CDYL2: variants seen among roughly 807,000 people sequenced by gnomAD.
CDYL2 encodes the protein chromodomain Y-like protein 2.
CDYL2 carries 23 observed loss-of-function variants against 49.4 expected under a neutral mutation model. The ratio of observed to expected loss-of-function variants is 0.47; its 90% CI spans 0.34 to 0.66. The LOEUF is 0.66. Among genes scored for constraint, CDYL2 ranks in the 30% least tolerant of loss-of-function variants. The probability of loss-of-function intolerance (pLI) is 0.01; values close to 1 mark genes in which losing one functional copy is unlikely to be tolerated. For synonymous variants in CDYL2, 360 were observed against 268.8 expected, an observed-to-expected ratio of 1.34 and a Z score of -3.32; for missense variants, 678 against 656.4, an observed-to-expected ratio of 1.03 and a Z score of -0.36.
At chr16:80,704,698 G>A (rs1228113033) in intron 1 of CDYL2, among the ~76,000 whole-genome samples, 1 of 152,196 alleles carries the variant, frequency 6.6e-6, no homozygotes, top group Non-Finnish European at 1.5e-5. Flanking sequence ...TCAGGGAGAA[G>A]GCAGTTCCAG....
At chr16:80,707,300 C>CA (rs1017232725) in intron 1 of CDYL2, among the ~76,000 whole-genome samples, 10 of 151,730 alleles carry the variant, frequency 6.6e-5, no homozygotes, top group Admixed American at 3.3e-4. Flanking sequence ...CCCATCTCTA[C>CA]AAAAAAAATT....
At chr16:80,784,569 T>A (rs1907372986) in intron 1 of CDYL2, among the ~76,000 whole-genome samples, 1 of 152,018 alleles carries the variant, frequency 6.6e-6, no homozygotes, top group Non-Finnish European at 1.5e-5. Flanking sequence ...AATAAACATA[T>A]CAGGGTAAGA....
intron 2 of CDYL2, among the ~76,000 whole-genome samples, chr16:80,664,064 T>C (rs1909159048): frequency 6.6e-6 from 1 of 152,090 alleles, no homozygotes; most frequent in South Asian, 2.1e-4. Context: ...GGCAAAATAT[T>C]CTGTAGGGTA....
At chr16:80,641,361 A>T (rs1188173768) in intron 2 of CDYL2, among the ~76,000 whole-genome samples, 6 of 152,118 alleles carry the variant, frequency 3.9e-5, no homozygotes, top group Admixed American at 3.9e-4. Flanking sequence ...AAAACAAAAA[A>T]ACTTTTACCC....
intron 1 of CDYL2, among the ~76,000 whole-genome samples, chr16:80,784,793 G>A (rs558281340): frequency 5.9e-5 from 9 of 152,136 alleles, no homozygotes; most frequent in Non-Finnish European, 1.3e-4. Context: ...AATGATCAGT[G>A]CTGGAGAGAA....
chr16:80,689,287 G>T (rs1257994398), intron 1 of CDYL2, among the ~76,000 whole-genome samples: 1 of 152,152 alleles, frequency 6.6e-6, no homozygotes, highest in Admixed American at 6.5e-5. Flanking sequence ...ATTATTACCA[G>T]TGCCAGGATG....
chr16:80,704,863 T>C lies in CDYL2; in HGVS notation c.25-19734A>G, dbSNP rs368153456. Among the ~76,000 whole-genome samples the C allele has an allele frequency of 1.2e-4, 19 of 152,312 alleles. No homozygotes were observed. The South Asian group carries it at 3.3e-3, about 27-fold the overall frequency. Reference sequence around the variant, plus strand: ...GAAAACAGACTCTGCTGGGTCTCTATGGCAAGTTAAGAACCCTGATCTCAT... The same window carrying C: ...GAAAACAGACTCTGCTGGGTCTCTACGGCAAGTTAAGAACCCTGATCTCAT... On this transcript the variant is annotated intron_variant, in intron 1 of 6. Transcript: ENST00000570137.
chr16:80,727,603 A>C (rs1207861304), intron 1 of CDYL2, among the ~76,000 whole-genome samples: 2 of 152,238 alleles, frequency 1.3e-5, no homozygotes, highest in Admixed American at 1.3e-4. Flanking sequence ...ACCACAGCTC[A>C]AGGAGGCCTG....
At chr16:80,723,035 G>A (rs1016883403) in intron 1 of CDYL2, among the ~76,000 whole-genome samples, 2 of 152,212 alleles carry the variant, frequency 1.3e-5, no homozygotes, top group African/African-American at 4.8e-5. Context: ...GCTGCAGGGT[G>A]AAGCCTCTGA....
At chr16:80,702,338 C>A (rs1379779264) in intron 1 of CDYL2, among the ~76,000 whole-genome samples, 1 of 151,674 alleles carries the variant, frequency 6.6e-6, no homozygotes, top group Non-Finnish European at 1.5e-5. Context: ...GCACATGTAT[C>A]CCATTTTTTA....
intron 2 of CDYL2, among the ~76,000 whole-genome samples, chr16:80,683,861 A>C (rs1446329237): frequency 3.3e-5 from 5 of 152,236 alleles, no homozygotes; most frequent in Non-Finnish European, 5.9e-5. Flanking sequence ...TGGTGCCTTC[A>C]TCATGGACTT....
At chr16:80,707,863 T>C (rs564184975) in intron 1 of CDYL2, among the ~76,000 whole-genome samples, 4 of 152,314 alleles carry the variant, frequency 2.6e-5, no homozygotes, top group East Asian at 3.9e-4. Flanking sequence ...TTCATCACTG[T>C]ACACTGGGAA....
chr16:80,639,775 T>A (rs1907999859), intron 2 of CDYL2: 1 of 455,054 alleles, frequency 2.2e-6, no homozygotes, highest in Non-Finnish European at 4.4e-6. Context: ...GAAGCAGTAG[T>A]GTGGTATGGA....
chr16:80,740,593 A>T (rs1399092716), intron 1 of CDYL2, among the ~76,000 whole-genome samples: 1 of 152,352 alleles, frequency 6.6e-6, no homozygotes, highest in African/African-American at 2.4e-5. Context: ...TATTATTTGC[A>T]TACACAGTCA....
intron 1 of CDYL2, among the ~76,000 whole-genome samples, chr16:80,741,062 C>T (rs1905716636): frequency 6.6e-6 from 1 of 151,162 alleles, no homozygotes; most frequent in South Asian, 2.1e-4. Flanking sequence ...TTCAAGACTT[C>T]TACTGCCAAT....
chr16:80,798,576 G>C (rs1907834607), intron 1 of CDYL2, among the ~76,000 whole-genome samples: 1 of 152,122 alleles, frequency 6.6e-6, no homozygotes, highest in Admixed American at 6.5e-5. Flanking sequence ...TGTAAGAATA[G>C]AGTATATACT....
chr16:80,673,521 G>C (rs370612998), intron 2 of CDYL2, among the ~76,000 whole-genome samples: 31 of 152,252 alleles, frequency 2.0e-4, no homozygotes, highest in Non-Finnish European at 3.5e-4. Flanking sequence ...AATTAAGGTA[G>C]TTTCCTTCAC....
chr16:80,674,753 C>T (rs1032402458), intron 2 of CDYL2, among the ~76,000 whole-genome samples: 1 of 152,248 alleles, frequency 6.6e-6, no homozygotes, highest in Non-Finnish European at 1.5e-5. Context: ...CATATGTCCA[C>T]TATTCATTGC....
intron 1 of CDYL2, among the ~76,000 whole-genome samples, chr16:80,786,328 G>C (rs546742304): frequency 1.3e-5 from 2 of 152,152 alleles, no homozygotes; most frequent in African/African-American, 2.4e-5. Flanking sequence ...CTTCTCAAAA[G>C]AAGACATTTA....
Sources: gnomAD v4.1 joint callset for allele counts (sites outside exome capture counted in the v4.1 genomes callset) on GRCh38, gnomAD v4.1.1 for gene constraint, MANE v1.5 for transcripts, NCBI Gene and HGNC (gene_info 2026-07-23, HGNC 2026-07-21) for gene names.